Variants in ENTREP2 observed in about 807,000 individuals in gnomAD.
The protein encoded by ENTREP2 is endosomal transmembrane epsin interactor 2, also known as protein ENTREP2.
chr15:29,248,278 T>C, the ENTREP2 span, among the ~76,000 whole-genome samples: 2 of 152,074 alleles, frequency 1.3e-5, no homozygotes, highest in Non-Finnish European at 2.9e-5. Flanking sequence ...GTTATTGGGG[T>C]AGCATAATCT....
chr15:29,239,471 A>C, the ENTREP2 span, among the ~76,000 whole-genome samples: 1 of 152,056 alleles, frequency 6.6e-6, no homozygotes, highest in African/African-American at 2.4e-5. Flanking sequence ...GCCAGGTGTC[A>C]GATCTCCCAG....
At chr15:29,389,262 T>C in the ENTREP2 span, among the ~76,000 whole-genome samples, 1 of 152,024 alleles carries the variant, frequency 6.6e-6, no homozygotes, top group South Asian at 2.1e-4. Flanking sequence ...AGAAAATAAA[T>C]TTCTGTTAGG....
the ENTREP2 span, among the ~76,000 whole-genome samples, chr15:29,656,871 T>A: frequency 1.6e-4 from 24 of 152,152 alleles, no homozygotes; most frequent in African/African-American, 5.5e-4. Flanking sequence ...AACTGAAAAC[T>A]CATCTTCACA....
chr15:29,439,284 T>TACACAC, the ENTREP2 span, among the ~76,000 whole-genome samples: 1,534 of 97,000 alleles, frequency 0.016, 12 homozygotes, highest in African/African-American at 0.024. Context: ...AAATTGGAAT[T>TACACAC]ACACACACAC....
chr15:29,276,776 T>A, the ENTREP2 span, among the ~76,000 whole-genome samples: 7 of 152,268 alleles, frequency 4.6e-5, no homozygotes, highest in African/African-American at 1.7e-4. Context: ...AGTTGGTTCC[T>A]GTCACTTGAA....
the ENTREP2 span, among the ~76,000 whole-genome samples, chr15:29,561,239 T>C: frequency 6.6e-6 from 1 of 151,946 alleles, no homozygotes; most frequent in South Asian, 2.1e-4. Flanking sequence ...AATTCCACCT[T>C]TGGGTATATA....
chr15:29,286,199 G>A, the ENTREP2 span, among the ~76,000 whole-genome samples: 8 of 151,914 alleles, frequency 5.3e-5, no homozygotes, highest in Non-Finnish European at 1.2e-4. Context: ...TCAGAAAAAA[G>A]AAATAAAAGT....
chr15:29,513,172 A>G, the ENTREP2 span, among the ~76,000 whole-genome samples: 1 of 152,118 alleles, frequency 6.6e-6, no homozygotes, highest in Non-Finnish European at 1.5e-5. Context: ...GCTCTCCCTG[A>G]GCTTTCAAAA....
At chr15:29,662,781 C>T in the ENTREP2 span, among the ~76,000 whole-genome samples, 3 of 151,990 alleles carry the variant, frequency 2.0e-5, no homozygotes, top group Non-Finnish European at 4.4e-5. Context: ...AGTGCAATGG[C>T]GCAATCTCTG....
At chr15:29,498,178 C>T in the ENTREP2 span, among the ~76,000 whole-genome samples, 4 of 152,112 alleles carry the variant, frequency 2.6e-5, no homozygotes, top group Admixed American at 2.0e-4. Flanking sequence ...TTCCCCTTCA[C>T]CTTCTGCTAT....
At chr15:29,147,399 C>T in the ENTREP2 span, among the ~76,000 whole-genome samples, 4 of 149,740 alleles carry the variant, frequency 2.7e-5, no homozygotes, top group Non-Finnish European at 5.9e-5. Flanking sequence ...TAAGTGTTGG[C>T]GTGGATGTGA....
the ENTREP2 span, among the ~76,000 whole-genome samples, chr15:29,501,972 G>A: frequency 1.4e-4 from 21 of 151,942 alleles, no homozygotes; most frequent in South Asian, 4.2e-4. Flanking sequence ...CTAAAGAAGT[G>A]CAAGACATAT....
chr15:29,336,805 G>A, the ENTREP2 span, among the ~76,000 whole-genome samples: 5 of 152,154 alleles, frequency 3.3e-5, no homozygotes, highest in South Asian at 4.1e-4. Context: ...TGGTAGGGCA[G>A]TCAAAGTCAG....
At chr15:29,425,557 T>C in the ENTREP2 span, among the ~76,000 whole-genome samples, 1 of 152,208 alleles carries the variant, frequency 6.6e-6, no homozygotes, top group African/African-American at 2.4e-5. Flanking sequence ...AAAAGTGCTG[T>C]CTTTTAATAG....
At chr15:29,463,384 AGG>A in the ENTREP2 span, among the ~76,000 whole-genome samples, 14 of 152,202 alleles carry the variant, frequency 9.2e-5, no homozygotes, top group African/African-American at 3.4e-4. Flanking sequence ...CACCAGGTCC[AGG>A]GGCTGCTTAG....
chr15:29,578,361 T>G, the ENTREP2 span, among the ~76,000 whole-genome samples: 2 of 152,022 alleles, frequency 1.3e-5, no homozygotes, highest in South Asian at 4.1e-4. Context: ...GGAAAAGATA[T>G]GTGTGCACCA....
At chr15:29,633,367 T>G in the ENTREP2 span, among the ~76,000 whole-genome samples, 1 of 152,184 alleles carries the variant, frequency 6.6e-6, no homozygotes, top group East Asian at 1.9e-4. Context: ...AAAATCAACA[T>G]TAACATCCAT....
chr15:29,566,612 A>C, the ENTREP2 span, among the ~76,000 whole-genome samples: 1 of 151,502 alleles, frequency 6.6e-6, no homozygotes. Flanking sequence ...GCCCACCATC[A>C]CACCTGACTA....
chr15:29,364,456 C>T, the ENTREP2 span, among the ~76,000 whole-genome samples: 1 of 152,174 alleles, frequency 6.6e-6, no homozygotes, highest in African/African-American at 2.4e-5. Context: ...TAGCAGTTTC[C>T]CACCACGCTT....
Sources: gnomAD v4.1 joint callset for allele counts (sites outside exome capture counted in the v4.1 genomes callset) on GRCh38, gnomAD v4.1.1 for gene constraint, MANE v1.5 for transcripts, NCBI Gene and HGNC (gene_info 2026-07-23, HGNC 2026-07-21) for gene names.